Variants in KIAA0825 observed in about 807,000 individuals in gnomAD.
KIAA0825 encodes the protein KIAA0825, also known as uncharacterized protein KIAA0825.
In KIAA0825, 119 loss-of-function variants were observed where a neutral mutation model predicts 147.6. The ratio of observed to expected loss-of-function variants is 0.81; its 90% CI spans 0.69 to 0.94. KIAA0825 has a LOEUF of 0.94. KIAA0825 is among the 40% of genes least tolerant of loss of function. The pLI is 0.00. For synonymous variants in KIAA0825, 470 were observed against 518.1 expected (o/e 0.91, Z 1.26); for missense variants, 1,381 against 1,472.7 (o/e 0.94, Z 1.02).
Position 94,475,004 on chromosome 5 carries a change from G to A in KIAA0825, c.1228-1485C>T, listed in dbSNP as rs190152461. ...CTCAGGAGGCTGAGGCAGGAGAATCGCTGGAACCTGGGAGGCGGAGGTTGC... is the reference window on the plus strand; with the variant it reads ...CTCAGGAGGCTGAGGCAGGAGAATCACTGGAACCTGGGAGGCGGAGGTTGC... On this transcript the variant is annotated intron_variant, in intron 7 of 20. Coordinates refer to ENST00000682413, the MANE Select transcript of KIAA0825 (RefSeq NM_001145678.3). Among the ~76,000 whole-genome samples the A allele has an allele frequency of 3.2e-3, 483 of 151,886 alleles. 4 individuals are homozygous for A. The highest frequency in any genetic ancestry group is 9.0e-3 in the African/African-American group (373 of 41,396).
intron 20 of KIAA0825, among the ~76,000 whole-genome samples, chr5:94,219,633 G>T: frequency 6.6e-6 from 1 of 152,170 alleles, no homozygotes; most frequent in Non-Finnish European, 1.5e-5. Flanking sequence ...ATATAGTATA[G>T]TGTATTGCTC....
Position 94,537,121 on chromosome 5 carries a change from A to G in KIAA0825, c.6T>C (p.Asp2=). The G allele has an allele frequency of 6.2e-7, 1 of 1,609,704 alleles. No individual in the cohort carries two copies. The highest frequency in any genetic ancestry group is 8.5e-7 in the Non-Finnish European group (1 of 1,178,178). Reference sequence around the variant, plus strand: ...AATTATGAGAATATTCATCATCCCAATCCATTCTGAGGAGCAAGAATAAAT... The same window carrying G: ...AATTATGAGAATATTCATCATCCCAGTCCATTCTGAGGAGCAAGAATAAAT... M[D]WDDEYSHNSF... Residue 2 remains aspartate (D), a synonymous_variant, in exon 3 of 21, where the codon GAT becomes GAC. Coordinates refer to ENST00000682413, the MANE Select transcript of KIAA0825 (RefSeq NM_001145678.3).
rs983497054 is a variant in KIAA0825, at chr5:94,495,517, T to G, written c.971-10587A>C. ...GTCATGCACAAGGCACCATGTGACA[T>G]GCATCACCTGCAGTGACAGGAGACA... is the stretch of plus-strand genomic sequence containing the variant. On this transcript the variant is annotated intron_variant, in intron 5 of 20. Transcript: ENST00000682413. Among the ~76,000 whole-genome samples the G allele has an allele frequency of 2.0e-5, 3 of 152,182 alleles. No individual in the cohort carries two copies. The East Asian group carries it at 5.8e-4, about 29-fold the overall frequency.
At chr5:94,366,177 C>T (rs1584268492) in intron 20 of KIAA0825, among the ~76,000 whole-genome samples, 1 of 152,220 alleles carries the variant, frequency 6.6e-6, no homozygotes, top group East Asian at 1.9e-4. Context: ...AATAAAACTC[C>T]AGTCTCCCAC....
intron 20 of KIAA0825, among the ~76,000 whole-genome samples, chr5:94,341,266 T>C (rs1782348779): frequency 6.6e-6 from 1 of 152,220 alleles, no homozygotes; most frequent in Non-Finnish European, 1.5e-5. Context: ...GAGAGTTTTG[T>C]TTAAAATTCC....
chr5:94,397,531 G>T (rs75529613), intron 16 of KIAA0825, among the ~76,000 whole-genome samples: 1 of 152,226 alleles, frequency 6.6e-6, no homozygotes, highest in East Asian at 1.9e-4. Flanking sequence ...ATGGATTGCA[G>T]AGGAGTCACT....
intron 20 of KIAA0825, among the ~76,000 whole-genome samples, chr5:94,214,384 A>C (rs1238544879): frequency 6.6e-6 from 1 of 152,108 alleles, no homozygotes; most frequent in Non-Finnish European, 1.5e-5. Context: ...TTTTAAATAG[A>C]CTTATTCATT....
intron 20 of KIAA0825, among the ~76,000 whole-genome samples, chr5:94,184,207 A>AT (rs1311094637): frequency 6.6e-6 from 1 of 152,204 alleles, no homozygotes; most frequent in Non-Finnish European, 1.5e-5. Context: ...TTTCCTAGAG[A>AT]TGTTAAGGAT....
chr5:94,501,066 T>G (rs1405006818), intron 5 of KIAA0825, among the ~76,000 whole-genome samples: 2 of 152,182 alleles, frequency 1.3e-5, no homozygotes, highest in Non-Finnish European at 2.9e-5. Context: ...CTTTCACTAC[T>G]ATTATTTTAA....
intron 12 of KIAA0825, among the ~76,000 whole-genome samples, chr5:94,455,011 T>C (rs1758910106): frequency 6.6e-6 from 1 of 152,188 alleles, no homozygotes; most frequent in African/African-American, 2.4e-5. Context: ...AGTATTTTTC[T>C]TAGTTTTAGG....
chr5:94,409,484 C>T (rs1338296776), intron 15 of KIAA0825, among the ~76,000 whole-genome samples: 3 of 152,124 alleles, frequency 2.0e-5, no homozygotes, highest in African/African-American at 7.2e-5. Context: ...GATGAGGCAG[C>T]TGGAATTTTC....
intron 20 of KIAA0825, among the ~76,000 whole-genome samples, chr5:94,166,000 A>G (rs933988518): frequency 5.3e-5 from 8 of 152,208 alleles, no homozygotes; most frequent in African/African-American, 1.9e-4. Flanking sequence ...TAAAATAACT[A>G]AGAGTGTAAT....
intron 1 of KIAA0825, among the ~76,000 whole-genome samples, chr5:94,591,708 G>A (rs908252000): frequency 6.6e-6 from 1 of 152,136 alleles, no homozygotes; most frequent in African/African-American, 2.4e-5. Flanking sequence ...CTGTATTAGT[G>A]CATTTTCACA....
intron 20 of KIAA0825, among the ~76,000 whole-genome samples, chr5:94,331,959 C>T (rs2150292989): frequency 6.6e-6 from 1 of 151,828 alleles, no homozygotes; most frequent in Admixed American, 6.6e-5. Flanking sequence ...GTCAGGAGTT[C>T]GAGACCAGCC....
At chr5:94,337,056 A>T (rs1423340879) in intron 20 of KIAA0825, among the ~76,000 whole-genome samples, 4 of 152,206 alleles carry the variant, frequency 2.6e-5, no homozygotes, top group African/African-American at 9.6e-5. Context: ...ACAAGTATAA[A>T]ATAGATATCA....
At chr5:94,234,406 TA>T (rs947492255) in intron 20 of KIAA0825, among the ~76,000 whole-genome samples, 3,282 of 148,828 alleles carry the variant, frequency 0.022, 88 homozygotes, top group African/African-American at 0.061. Context: ...AATAAAAAAA[TA>T]AAAAAAAAAT....
rs558802399 is a variant in KIAA0825, at chr5:94,409,445, A to G, written c.2663-5652T>C. On this transcript the variant is annotated intron_variant, in intron 15 of 20. Coordinates refer to ENST00000682413, the MANE Select transcript of KIAA0825 (RefSeq NM_001145678.3). ...AGCAGAAAGTCAAGCAAACCATGAA[A>G]GTCTCACTGAGATGAAGAGTCAGAG... 2.6e-5 allele frequency among the ~76,000 whole-genome samples: 4 copies of G among 152,336 alleles called. 1 individual carries two copies. In the East Asian group the frequency reaches 7.7e-4, roughly 29 times the overall value.
At chr5:94,182,149 C>T (rs890226788) in intron 20 of KIAA0825, among the ~76,000 whole-genome samples, 1 of 150,376 alleles carries the variant, frequency 6.6e-6, no homozygotes, top group African/African-American at 2.4e-5. Context: ...ACCCTATAGA[C>T]AATGCAGGCT....
chr5:94,253,515 A>C (rs1241003474), intron 20 of KIAA0825, among the ~76,000 whole-genome samples: 1 of 152,088 alleles, frequency 6.6e-6, no homozygotes, highest in Non-Finnish European at 1.5e-5. Flanking sequence ...TCATGGAGCT[A>C]ATTTCCAGTA....
Sources: allele counts gnomAD v4.1 joint callset (sites outside exome capture counted in the v4.1 genomes callset), GRCh38; gene constraint gnomAD v4.1.1; transcripts MANE v1.5; gene names NCBI Gene and HGNC (gene_info 2026-07-23, HGNC 2026-07-21).